Variants in PCDH15 observed in about 807,000 individuals in gnomAD.
The protein encoded by PCDH15 is protocadherin-15.
Under a neutral mutation model 178.5 loss-of-function variants are expected in PCDH15, and 129 were observed. That is an observed-to-expected ratio of 0.72 (90% CI 0.63 to 0.84). PCDH15 has a LOEUF of 0.84. Among genes scored for constraint, PCDH15 ranks in the 40% least tolerant of loss-of-function variants. PCDH15 has a pLI of 0.00. For missense variants in PCDH15, 2,230 were observed against 2,099.9 expected (o/e 1.06, Z -1.21); for synonymous variants, 800 against 732.0 (o/e 1.09, Z -1.50).
chr10:55,611,426 T>C (rs1470365303), intron 2 of PCDH15, among the ~76,000 whole-genome samples: 2 of 152,024 alleles, frequency 1.3e-5, no homozygotes, highest in African/African-American at 4.8e-5. Flanking sequence ...AATATCACCA[T>C]TGATTAGGAA....
intron 1 of PCDH15, among the ~76,000 whole-genome samples, chr10:54,730,357 A>G (rs142968507): frequency 1.3e-5 from 2 of 151,792 alleles, no homozygotes; most frequent in East Asian, 3.9e-4. Context: ...TTGAGTACAC[A>G]TGGATACAGA....
intron 18 of PCDH15, among the ~76,000 whole-genome samples, chr10:54,061,065 G>A (rs1412495379): frequency 1.3e-5 from 2 of 152,002 alleles, no homozygotes; most frequent in African/African-American, 4.8e-5. Context: ...ATTCCTTTGA[G>A]ACTTGAGGGG....
chr10:55,303,350 C>T (rs926417727), intron 1 of PCDH15, among the ~76,000 whole-genome samples: 7 of 152,104 alleles, frequency 4.6e-5, no homozygotes, highest in African/African-American at 1.4e-4. Context: ...TTGTAGTTTA[C>T]TGTTGACATT....
intron 8 of PCDH15, among the ~76,000 whole-genome samples, chr10:54,250,648 T>C (rs1340835035): frequency 1.3e-5 from 2 of 152,172 alleles, no homozygotes; most frequent in Non-Finnish European, 2.9e-5. Flanking sequence ...ATTATGGATA[T>C]GTGTGAAAGC....
At chr10:55,280,468 T>TTTTTTTTTA (rs1842703725) in intron 1 of PCDH15, among the ~76,000 whole-genome samples, 1 of 144,054 alleles carries the variant, frequency 6.9e-6, no homozygotes, top group African/African-American at 2.5e-5. Context: ...TTTTTTTTTT[T>TTTTTTTTTA]AGTAGAGACA....
intron 2 of PCDH15, among the ~76,000 whole-genome samples, chr10:55,079,737 T>C (rs1345253824): frequency 6.6e-6 from 1 of 152,156 alleles, no homozygotes; most frequent in South Asian, 2.1e-4. Context: ...GTGGCTTTAA[T>C]GGACTGGAGA....
intron 1 of PCDH15, among the ~76,000 whole-genome samples, chr10:55,307,269 G>A (rs996924024): frequency 6.6e-6 from 1 of 151,910 alleles, no homozygotes; most frequent in Non-Finnish European, 1.5e-5. Flanking sequence ...TTGGGAGGCC[G>A]AGGCAGGCGG....
intron 10 of PCDH15, among the ~76,000 whole-genome samples, chr10:54,202,123 T>G (rs1303154599): frequency 6.6e-6 from 1 of 152,222 alleles, no homozygotes; most frequent in African/African-American, 2.4e-5. Flanking sequence ...AACACATGGC[T>G]TAGATACATT....
intron 2 of PCDH15, among the ~76,000 whole-genome samples, chr10:54,603,579 C>T (rs1590419393): frequency 6.6e-6 from 1 of 151,494 alleles, no homozygotes; most frequent in South Asian, 2.1e-4. Flanking sequence ...ATGGTGGATC[C>T]CCATGCCATT....
At chr10:54,360,388 T>C (rs965200557) in intron 5 of PCDH15, among the ~76,000 whole-genome samples, 1 of 152,070 alleles carries the variant, frequency 6.6e-6, no homozygotes, top group African/African-American at 2.4e-5. Flanking sequence ...AAGCACCTGA[T>C]TAAATCCTTC....
chr10:55,591,386 A>G (rs1237157018), intron 2 of PCDH15, among the ~76,000 whole-genome samples: 1 of 152,008 alleles, frequency 6.6e-6, no homozygotes, highest in African/African-American at 2.4e-5. Context: ...AGTGAGTGGA[A>G]ATCAGGCCAC....
chr10:55,044,495 T>C (rs2131980764), intron 2 of PCDH15, among the ~76,000 whole-genome samples: 1 of 152,094 alleles, frequency 6.6e-6, no homozygotes, highest in East Asian at 1.9e-4. Context: ...CTAAAAAACC[T>C]ACTACCTCCA....
chr10:55,353,506 A>G (rs998275592), intron 2 of PCDH15, among the ~76,000 whole-genome samples: 1 of 152,148 alleles, frequency 6.6e-6, no homozygotes, highest in Non-Finnish European at 1.5e-5. Flanking sequence ...GAAATTTTAC[A>G]GAAAAATAAA....
At chr10:55,029,887 G>C (rs1286349406) in intron 2 of PCDH15, among the ~76,000 whole-genome samples, 1 of 152,096 alleles carries the variant, frequency 6.6e-6, no homozygotes, top group Non-Finnish European at 1.5e-5. Context: ...AGAAAGAAAA[G>C]ACAGCCAATA....
chr10:53,893,219 C>G (rs1173693223), intron 26 of PCDH15, among the ~76,000 whole-genome samples: 4 of 151,920 alleles, frequency 2.6e-5, no homozygotes, highest in Non-Finnish European at 5.9e-5. Flanking sequence ...ACCAGTGAGG[C>G]TAAATAAATG....
At chr10:55,404,208 G>C (rs1352123414) in intron 2 of PCDH15, among the ~76,000 whole-genome samples, 2 of 151,986 alleles carry the variant, frequency 1.3e-5, no homozygotes, top group Non-Finnish European at 2.9e-5. Flanking sequence ...GCAGAATCTA[G>C]ACAAGAACAT....
At chr10:55,423,608 C>G (rs1330646329) in intron 2 of PCDH15, among the ~76,000 whole-genome samples, 1 of 151,980 alleles carries the variant, frequency 6.6e-6, no homozygotes, top group African/African-American at 2.4e-5. Flanking sequence ...ATACTAACTG[C>G]TTTCTATATA....
intron 2 of PCDH15, among the ~76,000 whole-genome samples, chr10:55,432,935 A>C (rs963090899): frequency 2.6e-5 from 4 of 151,958 alleles, no homozygotes; most frequent in African/African-American, 9.7e-5. Flanking sequence ...GAGGCGGGAG[A>C]ATGGCCTGAA....
intron 2 of PCDH15, among the ~76,000 whole-genome samples, chr10:55,009,832 A>C (rs933052779): frequency 6.6e-6 from 1 of 152,132 alleles, no homozygotes; most frequent in Non-Finnish European, 1.5e-5. Flanking sequence ...CTAATGGGTA[A>C]ATCAATACTT....
Sources: gnomAD v4.1 joint callset for allele counts (sites outside exome capture counted in the v4.1 genomes callset) on GRCh38, gnomAD v4.1.1 for gene constraint, MANE v1.5 for transcripts, NCBI Gene and HGNC (gene_info 2026-07-23, HGNC 2026-07-21) for gene names.